The following EYA1 variants were observed in gnomAD, a reference collection of about 807,000 sequenced individuals.
EYA1 encodes the protein protein phosphatase EYA1.
A neutral mutation model predicts 82.0 loss-of-function variants in EYA1; 16 were observed. The ratio of observed to expected loss-of-function variants is 0.20; its 90% confidence interval spans 0.13 to 0.30. The LOEUF is 0.30. Ranked by LOEUF, EYA1 falls within the 10% of genes least tolerant of loss-of-function variation. The pLI is 1.00. For missense variants in EYA1, 633 were observed against 730.7 expected (o/e 0.87, Z 1.54); for synonymous variants, 261 against 264.4 (o/e 0.99, Z 0.12).
chr8:71,537,661 A>G (rs1168808782), intron 1 of EYA1, among the ~76,000 whole-genome samples: 1 of 152,198 alleles, frequency 6.6e-6, no homozygotes, highest in African/African-American at 2.4e-5. Flanking sequence ...GTCTAAGACA[A>G]AGCCCCCTCT....
chr8:71,247,781 G>C (rs999442580), intron 11 of EYA1, among the ~76,000 whole-genome samples: 3 of 152,156 alleles, frequency 2.0e-5, no homozygotes, highest in Non-Finnish European at 2.9e-5. Flanking sequence ...AGCTCAAACA[G>C]ATGTGTCTAA....
intron 11 of EYA1, among the ~76,000 whole-genome samples, chr8:71,248,945 C>G (rs895118731): frequency 1.3e-5 from 2 of 152,130 alleles, no homozygotes; most frequent in Non-Finnish European, 2.9e-5. Flanking sequence ...TTAGTTTAAT[C>G]TTACTATTTT....
At position 71,267,755 on chromosome 8, in the gene EYA1, A is replaced by G. The variant is rs186311842; in HGVS notation, c.1050+1985T>C. Among the ~76,000 whole-genome samples the G allele has an allele frequency of 3.2e-3, 480 of 152,188 alleles. 3 individuals carry two copies. Among genetic ancestry groups the G allele is most frequent in the African/African-American group, 9.1e-3 (380 of 41,540 alleles). ...AGTAGAGACGGGGTTTCACTGTGTTAGCCAGGATGGTCTCGATCTCCTGAC... is the reference window on the plus strand; with the variant it reads ...AGTAGAGACGGGGTTTCACTGTGTTGGCCAGGATGGTCTCGATCTCCTGAC... On this transcript the variant is annotated intron_variant, in intron 11 of 17. Coordinates refer to ENST00000340726, the MANE Select transcript of EYA1 (RefSeq NM_000503.6).
intron 2 of EYA1, among the ~76,000 whole-genome samples, chr8:71,510,314 T>C (rs1053183988): frequency 4.6e-5 from 7 of 152,158 alleles, no homozygotes; most frequent in Non-Finnish European, 8.8e-5. Context: ...AGCCAAACCA[T>C]AGTCAACCAG....
intron 2 of EYA1, among the ~76,000 whole-genome samples, chr8:71,455,321 C>A (rs527573566): frequency 6.6e-5 from 10 of 152,216 alleles, no homozygotes; most frequent in African/African-American, 2.4e-4. Context: ...CCGAATTCTA[C>A]CAGAGGTACA....
intron 9 of EYA1, among the ~76,000 whole-genome samples, chr8:71,298,518 C>T (rs1819833949): frequency 6.6e-6 from 1 of 152,116 alleles, no homozygotes; most frequent in Admixed American, 6.5e-5. Context: ...TGAAAGAGAC[C>T]AGCAAGGGAG....
At position 71,455,339 on chromosome 8, in the gene EYA1, G is replaced by A. The variant is rs989961374; in HGVS notation, c.33+80405C>T. Among the ~76,000 whole-genome samples, 33 of 152,158 alleles carry A rather than the reference G, an allele frequency of 2.2e-4. 1 individual carries two copies. Among genetic ancestry groups the A allele is most frequent in the Non-Finnish European group, 2.9e-4 (20 of 68,014 alleles). ...AATTCTACCAGAGGTACAAGGAGGA[G>A]CTGGTACCATTCCTTCTGAAACTAT... is the stretch of plus-strand genomic sequence containing the variant. On this transcript the variant is annotated intron_variant, in intron 2 of 18. Coordinates refer to the EYA1 transcript ENST00000643681.
chr8:71,396,816 G>A (rs541410192), intron 2 of EYA1, among the ~76,000 whole-genome samples: 2 of 152,334 alleles, frequency 1.3e-5, no homozygotes, highest in South Asian at 4.1e-4. Context: ...TCTTGGTGCA[G>A]AGCTGAGTTC....
At chr8:71,361,397 T>C (rs1311988862) in intron 1 of EYA1, among the ~76,000 whole-genome samples, 2 of 152,252 alleles carry the variant, frequency 1.3e-5, no homozygotes, top group Admixed American at 1.3e-4. Flanking sequence ...TTGTTAACAA[T>C]TAATTTGTAA....
intron 9 of EYA1, among the ~76,000 whole-genome samples, chr8:71,276,279 T>G (rs1817162165): frequency 6.6e-6 from 1 of 152,204 alleles, no homozygotes; most frequent in Non-Finnish European, 1.5e-5. Flanking sequence ...AGCAGTGCAC[T>G]GGAGTTTCTT....
intron 3 of EYA1, among the ~76,000 whole-genome samples, chr8:71,338,307 A>C (rs1680071361): frequency 1.3e-5 from 2 of 152,258 alleles, no homozygotes; most frequent in African/African-American, 4.8e-5. Context: ...TTTGATCATT[A>C]AAAGGCAGTG....
chr8:71,371,211 T>C (rs7839716), intron 2 of EYA1, among the ~76,000 whole-genome samples: 15,005 of 152,104 alleles, frequency 0.099, 825 homozygotes, highest in African/African-American at 0.11. Context: ...GTAAAATAAG[T>C]AGACTATGGA....
At chr8:71,326,081 A>G (rs1823111990) in intron 4 of EYA1, among the ~76,000 whole-genome samples, 1 of 152,150 alleles carries the variant, frequency 6.6e-6, no homozygotes, top group African/African-American at 2.4e-5. Flanking sequence ...CGGACAACCA[A>G]TATCTCTTCA....
At chr8:71,322,164 A>T in intron 5 of EYA1, 35 bp downstream of exon 5, 2 of 1,519,508 alleles carry the variant, frequency 1.3e-6, no homozygotes, top group Non-Finnish European at 1.8e-6. Flanking sequence ...CTACTCAGAG[A>T]AGTTATTTAT....
intron 2 of EYA1, among the ~76,000 whole-genome samples, chr8:71,381,773 C>T (rs1828716492): frequency 6.6e-6 from 1 of 152,224 alleles, no homozygotes; most frequent in African/African-American, 2.4e-5. Flanking sequence ...CTACATCCCC[C>T]TCCCACCCCT....
intron 2 of EYA1, among the ~76,000 whole-genome samples, chr8:71,453,586 A>G (rs1586747106): frequency 6.6e-6 from 1 of 152,370 alleles, no homozygotes; most frequent in South Asian, 2.1e-4. Flanking sequence ...CAGAAACTCT[A>G]CAAGCCAGAA....
chr8:71,470,847 G>A (rs886277450), intron 2 of EYA1: 6 of 453,776 alleles, frequency 1.3e-5, no homozygotes, highest in Admixed American at 1.2e-4. Flanking sequence ...TGAAAAAAAT[G>A]TCAGATTTAC....
At chr8:71,304,688 T>C (rs1246053318) in intron 7 of EYA1, among the ~76,000 whole-genome samples, 2 of 143,082 alleles carry the variant, frequency 1.4e-5, no homozygotes, top group South Asian at 4.5e-4. Flanking sequence ...TTTCTTCTTA[T>C]ACACTAAGAA....
intron 7 of EYA1, among the ~76,000 whole-genome samples, chr8:71,316,015 A>G (rs989210564): frequency 1.1e-4 from 17 of 152,144 alleles, no homozygotes; most frequent in African/African-American, 4.1e-4. Context: ...TTAAGGAAAC[A>G]TATTAATAAG....
Sources: gnomAD v4.1 joint callset for allele counts (sites outside exome capture counted in the v4.1 genomes callset) on GRCh38, gnomAD v4.1.1 for gene constraint, MANE v1.5 for transcripts, NCBI Gene and HGNC (gene_info 2026-07-23, HGNC 2026-07-21) for gene names.